Variants in ZEB1 observed in about 807,000 individuals in gnomAD.
The protein encoded by ZEB1 is zinc finger E-box-binding homeobox 1.
ZEB1 carries 21 observed loss-of-function variants against 84.9 expected under a neutral mutation model. That is an observed-to-expected ratio of 0.25 (90% CI 0.18 to 0.36). ZEB1 has a LOEUF of 0.36. Ranked by LOEUF, ZEB1 falls within the 10% of genes least tolerant of loss-of-function variation. The pLI, the probability that ZEB1 is intolerant of heterozygous loss-of-function variation, is 1.00. For missense variants in ZEB1, 1,104 were observed against 1,330.2 expected, an observed-to-expected ratio of 0.83 and a Z score of 2.65; for synonymous variants, 420 against 471.1, an observed-to-expected ratio of 0.89 and a Z score of 1.41.
In ZEB1 at chr10:31,449,161, G is replaced by A. The variant is rs560660884; in HGVS notation, c.59-11876G>A. On this transcript the variant is annotated intron_variant, in intron 1 of 8. Transcript: ENST00000424869. ...TCTGAAAAGCGCAATATTCGGGTGG[G>A]AGTGACCCGATTTTCCAGGTGCGTC... 6.6e-3 allele frequency among the ~76,000 whole-genome samples: 1,006 copies of A among 152,340 alleles called. 11 individuals carry two copies. The highest frequency in any genetic ancestry group is 0.023 in the African/African-American group (951 of 41,580).
At chr10:31,503,693 A>G (rs1227699799) in intron 4 of ZEB1, among the ~76,000 whole-genome samples, 2 of 152,026 alleles carry the variant, frequency 1.3e-5, no homozygotes, top group Non-Finnish European at 2.9e-5. Context: ...CCAAGAATGT[A>G]TGAGAGTTCC....
intron 1 of ZEB1, among the ~76,000 whole-genome samples, chr10:31,441,934 A>G (rs1216103677): frequency 6.6e-6 from 1 of 152,246 alleles, no homozygotes; most frequent in East Asian, 1.9e-4. Context: ...ATGTGGAGAA[A>G]TAGGAACACT....
At chr10:31,437,277 G>A (rs1242621517) in intron 1 of ZEB1, among the ~76,000 whole-genome samples, 4 of 151,914 alleles carry the variant, frequency 2.6e-5, no homozygotes, top group Non-Finnish European at 4.4e-5. Flanking sequence ...ACTCATATTT[G>A]CAAAGATTAC....
intron 8 of ZEB1, 87 bp downstream of exon 8, chr10:31,524,200 T>TTA: frequency 7.0e-7 from 1 of 1,421,194 alleles, no homozygotes; most frequent in Non-Finnish European, 9.5e-7. Flanking sequence ...AGAATTTTCT[T>TTA]TCTTTTTTTT....
Position 31,520,651 on chromosome 10 carries a change from A to G in ZEB1, c.1319A>G (p.Lys440Arg), listed in dbSNP as rs1432181026. The change falls in exon 7 of 9, where the codon AAA becomes AGA. Residue 440 changes from lysine (K) to arginine (R), a missense_variant. Coordinates refer to ENST00000424869, the MANE Select transcript of ZEB1 (RefSeq NM_001174096.2). The surrounding 1 kb of genome is among the most constrained non-coding windows in gnomAD (Gnocchi z 5.1). Reference protein sequence around the residue: ...LENNQANLASKEQETINASPI... With the variant: ...LENNQANLASREQETINASPI... ...AATAATCAAGCCAATCTTGCATCCA[A>G]AGAACAAGAAACAATCAATGCTTCA... is the stretch of plus-strand genomic sequence containing the variant. 2.5e-6 allele frequency: 4 copies of G among 1,613,972 alleles called. No homozygotes were observed. The highest frequency in any genetic ancestry group is 1.7e-5 in the Admixed American group (1 of 59,988).
chr10:31,387,125 A>G (rs2048772127), intron 1 of ZEB1: 15 of 985,846 alleles, frequency 1.5e-5, no homozygotes, highest in Non-Finnish European at 1.8e-5. Flanking sequence ...CTCCCTTAGG[A>G]CAACCTTAAA....
rs1300376785 is a variant in ZEB1, at chr10:31,391,582, A to T, written c.59-69455A>T. Among the ~76,000 whole-genome samples the T allele has an allele frequency of 2.0e-5, 3 of 152,166 alleles. No homozygotes were observed. In the South Asian group the frequency reaches 6.2e-4, roughly 31 times the overall value. ...ATGAATTATTTTGTCAGATTAACAC[A>T]TCTATATAAGTAAGATGTTCAGCCT... On this transcript the variant is annotated intron_variant, in intron 1 of 8. Coordinates refer to ENST00000424869, the MANE Select transcript of ZEB1 (RefSeq NM_001174096.2).
chr10:31,502,559 G>T, intron 4 of ZEB1, 50 bp downstream of exon 4: 1 of 1,611,670 alleles, frequency 6.2e-7, no homozygotes, highest in East Asian at 2.2e-5. Flanking sequence ...AAGGATTCTT[G>T]TTTCTACCAT....
At chr10:31,500,688 C>G (rs977146510) in intron 3 of ZEB1, among the ~76,000 whole-genome samples, 1 of 152,104 alleles carries the variant, frequency 6.6e-6, no homozygotes, top group African/African-American at 2.4e-5. Flanking sequence ...TACGCCTTTT[C>G]TCTTTTTTTC....
chr10:31,414,002 TCTC>T (rs1564776564), intron 1 of ZEB1, among the ~76,000 whole-genome samples: 1 of 152,194 alleles, frequency 6.6e-6, no homozygotes, highest in African/African-American at 2.4e-5. Context: ...CAAATTGCCT[TCTC>T]CTCTTGATGG....
At chr10:31,452,660 T>A (rs1214857999) in intron 1 of ZEB1, among the ~76,000 whole-genome samples, 1 of 151,332 alleles carries the variant, frequency 6.6e-6, no homozygotes, top group African/African-American at 2.4e-5. Context: ...CTATACCTAC[T>A]ATGTAGAAGG....
intron 1 of ZEB1, among the ~76,000 whole-genome samples, chr10:31,353,420 A>G (rs1055363674): frequency 2.6e-5 from 4 of 152,216 alleles, no homozygotes; most frequent in Non-Finnish European, 5.9e-5. Context: ...TTTATAAACC[A>G]CTGTATATAG....
rs537558012 is a variant in ZEB1 at position 31,380,773 on chromosome 10, A to G, written c.58+61481A>G. 5.9e-5 allele frequency among the ~76,000 whole-genome samples: 9 copies of G among 152,300 alleles called. No individual in the cohort carries two copies. The South Asian group carries it at 1.9e-3, about 32-fold the overall frequency. On this transcript the variant is annotated intron_variant, in intron 1 of 8. Transcript: ENST00000424869. Reference sequence around the variant, plus strand: ...TGTAACATTCCAAAGGTAACTTGAGATACTGCAAGGACCACATAGCACCTT... The same window carrying G: ...TGTAACATTCCAAAGGTAACTTGAGGTACTGCAAGGACCACATAGCACCTT...
At position 31,520,162 on chromosome 10, in the gene ZEB1, G is replaced by A; in HGVS notation, c.830G>A (p.Arg277His). The change falls in exon 7 of 9, where the codon CGC becomes CAC. Residue 277 changes from arginine to histidine, a missense_variant. By Grantham distance (29) the Arg-to-His change is conservative. Around this residue, in one of 7 missense-constraint regions of ZEB1, gnomAD observed 111 missense variants for 161.8 expected, o/e 0.69. Coordinates refer to ENST00000424869, the MANE Select transcript of ZEB1 (RefSeq NM_001174096.2). The surrounding 1 kb of genome is among the most constrained non-coding windows in gnomAD (Gnocchi z 5.1). ...KPYECPNCKK[R>H]FSHSGSYSSH... ...TATGAATGCCCAAACTGCAAGAAAC[G>A]CTTTTCCCATTCTGGCTCCTATAGC... is the stretch of plus-strand genomic sequence containing the variant. The A allele has an allele frequency of 6.2e-7, 1 of 1,613,704 alleles. No homozygotes were observed. The highest frequency in any genetic ancestry group is 1.1e-5 in the South Asian group (1 of 91,068).
intron 2 of ZEB1, among the ~76,000 whole-genome samples, chr10:31,462,725 C>A (rs982967288): frequency 6.6e-6 from 1 of 152,086 alleles, no homozygotes; most frequent in East Asian, 1.9e-4. Context: ...TGAACCTTAT[C>A]ATGGAAGCTA....
intron 1 of ZEB1, among the ~76,000 whole-genome samples, chr10:31,397,196 T>G (rs1015711322): frequency 1.4e-4 from 20 of 146,140 alleles, no homozygotes; most frequent in African/African-American, 3.7e-4. Context: ...ATTATTATTA[T>G]TATTATACTT....
intron 1 of ZEB1, among the ~76,000 whole-genome samples, chr10:31,346,985 T>C (rs555120513): frequency 2.0e-5 from 3 of 152,302 alleles, no homozygotes; most frequent in South Asian, 2.1e-4. Context: ...AGGAGGACTT[T>C]CCTTTAGTCT....
chr10:31,366,171 C>G (rs1292272032), intron 1 of ZEB1, among the ~76,000 whole-genome samples: 1 of 152,178 alleles, frequency 6.6e-6, no homozygotes, highest in African/African-American at 2.4e-5. Context: ...TAGCCCTGAA[C>G]TTACTTTTTA....
intron 1 of ZEB1, among the ~76,000 whole-genome samples, chr10:31,392,314 T>C (rs945051672): frequency 4.6e-5 from 7 of 152,236 alleles, no homozygotes; most frequent in African/African-American, 9.6e-5. Context: ...CTCAAGAAAA[T>C]AGGTGAATAA....
Sources: allele counts gnomAD v4.1 joint callset (sites outside exome capture counted in the v4.1 genomes callset), GRCh38; gene constraint gnomAD v4.1.1; regional missense constraint gnomAD v4.1.1; non-coding constraint Gnocchi (gnomAD v3.1); transcripts MANE v1.5; gene names NCBI Gene and HGNC (gene_info 2026-07-23, HGNC 2026-07-21).